Variants in NIPBL observed in about 807,000 individuals in gnomAD.
The protein encoded by NIPBL is nipped-B-like protein.
A neutral mutation model predicts 321.8 loss-of-function variants in NIPBL; 19 were observed. The ratio of observed to expected loss-of-function variants is 0.06; its 90% CI spans 0.04 to 0.09. The LOEUF (loss-of-function observed/expected upper bound fraction) is 0.09, where lower values mean the gene tolerates loss of function less well. Ranked by LOEUF, NIPBL falls within the 10% of genes least tolerant of loss-of-function variation. The pLI, the probability that NIPBL is intolerant of heterozygous loss-of-function variation, is 1.00. For synonymous variants in NIPBL, 1,106 were observed against 1,114.1 expected (o/e 0.99, Z 0.14); for missense variants, 2,210 against 3,327.0 (o/e 0.66, Z 8.26).
At chr5:36,987,419 T>C (rs1414095910) in intron 10 of NIPBL, among the ~76,000 whole-genome samples, 2 of 152,222 alleles carry the variant, frequency 1.3e-5, no homozygotes, top group Admixed American at 1.3e-4. Flanking sequence ...GGCTACCATA[T>C]TGGACAAAAC....
chr5:36,933,245 TGTTACGAGTTTCATG>T (rs1263106951), intron 1 of NIPBL, among the ~76,000 whole-genome samples: 1 of 152,192 alleles, frequency 6.6e-6, no homozygotes, highest in Non-Finnish European at 1.5e-5. Context: ...TATTGAATTC[TGTTACGAGTTTCATG>T]GTTACTTATA....
intron 43 of NIPBL, among the ~76,000 whole-genome samples, chr5:37,058,585 A>G (rs1260988197): frequency 6.6e-6 from 1 of 152,210 alleles, no homozygotes; most frequent in Non-Finnish European, 1.5e-5. Flanking sequence ...TTACCTATGC[A>G]CCAAATTGAT....
chr5:36,976,641 G>A (rs1021546787), intron 9 of NIPBL, among the ~76,000 whole-genome samples: 5 of 152,014 alleles, frequency 3.3e-5, no homozygotes, highest in African/African-American at 9.7e-5. Flanking sequence ...TACTCATTAT[G>A]TACTATATGA....
At chr5:36,977,483 T>C (rs1561104449) in intron 9 of NIPBL, among the ~76,000 whole-genome samples, 1 of 151,978 alleles carries the variant, frequency 6.6e-6, no homozygotes, top group Non-Finnish European at 1.5e-5. Context: ...ATGGACTGTA[T>C]TTAGTAATTG....
chr5:37,049,233 A>G lies in NIPBL; in HGVS notation c.6886A>G (p.Ser2296Gly), dbSNP rs1401102641. Residue 2296 changes from serine (S) to glycine (G), a missense_variant, in exon 40 of 47, where the codon AGT becomes GGT. Transcript: ENST00000282516. The stretch of plus-strand genomic sequence containing the variant: ...TGAGGCATTTTTTCACACCCAGTCA[A>G]GTGTACGCCACTTTGCCCTAAATGT... ...VLEAFFHTQS[S>G]VRHFALNVIA... 6.2e-7 allele frequency: 1 copy of G among 1,614,124 alleles called. No individual in the cohort carries two copies. Among genetic ancestry groups the G allele is most frequent in the Non-Finnish European group, 8.5e-7 (1 of 1,180,014 alleles).
At chr5:36,976,725 A>G (rs972420598) in intron 9 of NIPBL, among the ~76,000 whole-genome samples, 1 of 152,152 alleles carries the variant, frequency 6.6e-6, no homozygotes, top group Non-Finnish European at 1.5e-5. Context: ...CACAAGTTAC[A>G]TTAATATTGT....
chr5:36,969,030 G>A (rs1333853538), intron 6 of NIPBL, among the ~76,000 whole-genome samples: 9 of 152,092 alleles, frequency 5.9e-5, no homozygotes, highest in Admixed American at 5.2e-4. Flanking sequence ...ACAGAAATAA[G>A]CAGTTATAAT....
intron 9 of NIPBL, among the ~76,000 whole-genome samples, chr5:36,977,154 G>T (rs1444129688): frequency 1.3e-5 from 2 of 151,938 alleles, no homozygotes; most frequent in African/African-American, 4.8e-5. Context: ...TGATGAATCA[G>T]TGATTCAAAT....
intron 6 of NIPBL, among the ~76,000 whole-genome samples, chr5:36,968,656 T>G (rs1742511308): frequency 6.6e-6 from 1 of 152,050 alleles, no homozygotes; most frequent in Non-Finnish European, 1.5e-5. Flanking sequence ...AGCCCAGGAG[T>G]TTAAGTCTAG....
In NIPBL at chr5:36,925,338, G is replaced by A. The variant is rs889321678; in HGVS notation, c.-79-28280G>A. ...GGCTGGTGTGCAATGGCGTGATCTC[G>A]GCGCACTGCAACCTCCGCCTCCTGG... is the stretch of plus-strand genomic sequence containing the variant. On this transcript the variant is annotated intron_variant, in intron 1 of 46. Transcript: ENST00000282516. Among the ~76,000 whole-genome samples, 25 of 149,148 alleles carry A rather than the reference G, an allele frequency of 1.7e-4. No individual in the cohort carries two copies. In the East Asian group the frequency reaches 4.1e-3, roughly 25 times the overall value.
Position 37,027,430 on chromosome 5 carries a change from T to A in NIPBL, c.5862+18T>A. On this transcript the variant is annotated intron_variant, in intron 32 of 46. Transcript: ENST00000282516. ...TTCAAAACGTGAGTGTTCTTTTGAC[T>A]CCTGATAACCTAAAATTTAATAGGT... The A allele has an allele frequency of 6.2e-7, 1 of 1,600,038 alleles. No individual in the cohort carries two copies. The highest frequency in any genetic ancestry group is 1.1e-5 in the South Asian group (1 of 90,744).
chr5:37,013,283 G>A (rs1232598012), intron 21 of NIPBL, among the ~76,000 whole-genome samples: 3 of 150,342 alleles, frequency 2.0e-5, no homozygotes, highest in Admixed American at 6.6e-5. Context: ...TGGGGCGGCT[G>A]GCCAGGCGGG....
Position 36,976,108 on chromosome 5 carries a change from T to C in NIPBL, c.1201T>C (p.Ser401Pro). 6.2e-7 allele frequency: 1 copy of C among 1,613,966 alleles called. No individual in the cohort carries two copies. Among genetic ancestry groups the C allele is most frequent in the South Asian group, 1.1e-5 (1 of 91,070 alleles). The change falls in exon 9 of 47, where the codon TCA becomes CCA. Residue 401 changes from serine (S) to proline (P), a missense_variant. By Grantham distance (74) the Ser-to-Pro change is moderately conservative. This residue lies in a region of NIPBL where 464 missense variants were observed against 529.5 expected (regional missense o/e 0.88). Transcript: ENST00000282516. ...TAATGTGCAGTACCCAGGACAGACT[T>C]CAAAAACACCCATTACTCCACAAGA... The part of the protein sequence containing the change: ...PFNVQYPGQT[S>P]KTPITPQDIN...
At chr5:36,910,987 T>G (rs1748005097) in intron 1 of NIPBL, among the ~76,000 whole-genome samples, 1 of 152,240 alleles carries the variant, frequency 6.6e-6, no homozygotes, top group South Asian at 2.1e-4. Flanking sequence ...TTATTCCATG[T>G]CTTTTATCTT....
At chr5:36,935,275 A>T (rs1333904935) in intron 1 of NIPBL, among the ~76,000 whole-genome samples, 1 of 152,112 alleles carries the variant, frequency 6.6e-6, no homozygotes, top group African/African-American at 2.4e-5. Flanking sequence ...TCCTCTCCTG[A>T]AAACCTCCAA....
At position 36,877,044 on chromosome 5, in the gene NIPBL, C is replaced by T. The variant is rs1242984026; in HGVS notation, c.-214C>T. ...AACGATTTGTCTTCTCGGCTGGTCT[C>T]CCCCCGGCTCTACATGTTCCCCGCA... On this transcript the variant is annotated 5_prime_UTR_variant, in exon 1 of 47. Coordinates refer to ENST00000282516, the MANE Select transcript of NIPBL (RefSeq NM_133433.4). 1 of 355,000 alleles carries T rather than the reference C, an allele frequency of 2.8e-6. No homozygotes were observed. 22.0% of individuals were successfully genotyped at this position (355,000 alleles called of 1,614,324 possible).
Position 36,876,874 on chromosome 5 carries a change from A to T in NIPBL, c.-384A>T. On this transcript the variant is annotated 5_prime_UTR_variant, in exon 1 of 47. Coordinates refer to ENST00000282516, the MANE Select transcript of NIPBL (RefSeq NM_133433.4). ...CGTCGGTACCGACTCACCCGACACCACCAAGCCGCAGGGAGGGACGCCCCC... is the reference window on the plus strand; with the variant it reads ...CGTCGGTACCGACTCACCCGACACCTCCAAGCCGCAGGGAGGGACGCCCCC... 1.6e-5 allele frequency: 1 copy of T among 64,300 alleles called. No individual in the cohort carries two copies. The highest frequency in any genetic ancestry group is 2.9e-5 in the Non-Finnish European group (1 of 34,702). The allele number at this position is 64,300 out of a possible 1,614,324, so 4.0% of individuals were successfully genotyped here. A position where few individuals can be genotyped will look rare whatever the true frequency, so the allele number is the denominator to read the frequency against.
At chr5:36,947,018 C>T (rs145650721) in intron 1 of NIPBL, among the ~76,000 whole-genome samples, 219 of 152,146 alleles carry the variant, frequency 1.4e-3, no homozygotes, top group Non-Finnish European at 2.5e-3. Context: ...AGAGTATTTA[C>T]GCCCTGAAAC....
At chr5:36,966,523 T>C in intron 6 of NIPBL, among the ~76,000 whole-genome samples, 1 of 152,110 alleles carries the variant, frequency 6.6e-6, no homozygotes, top group Non-Finnish European at 1.5e-5. Context: ...CCTCTCTTTA[T>C]TGTAAAAGTA....
Sources: gnomAD v4.1 joint callset for allele counts (sites outside exome capture counted in the v4.1 genomes callset) on GRCh38, gnomAD v4.1.1 for gene constraint, gnomAD v4.1.1 regional missense constraint, MANE v1.5 for transcripts, NCBI Gene and HGNC (gene_info 2026-07-23, HGNC 2026-07-21) for gene names.